Variants in HCN1 observed in about 807,000 individuals in gnomAD.
HCN1 encodes the protein hyperpolarization activated cyclic nucleotide gated potassium channel 1, also known as potassium/sodium hyperpolarization-activated cyclic nucleotide-gated channel 1.
Under a neutral mutation model 78.9 loss-of-function variants are expected in HCN1, and 13 were observed. That is an observed-to-expected ratio of 0.16 (90% CI 0.11 to 0.26). The LOEUF is 0.26. Among genes scored for constraint, HCN1 ranks in the 10% least tolerant of loss-of-function variants. HCN1 has a pLI of 1.00. For missense variants in HCN1, 810 were observed against 1,154.3 expected (o/e 0.70, Z 4.32); for synonymous variants, 552 against 455.5 (o/e 1.21, Z -2.70).
At chr5:45,297,128 T>G (rs1374290465) in intron 6 of HCN1, among the ~76,000 whole-genome samples, 1 of 152,060 alleles carries the variant, frequency 6.6e-6, no homozygotes, top group Non-Finnish European at 1.5e-5. Context: ...TCATTAGCAT[T>G]GTTTCTATAG....
chr5:45,422,222 A>G (rs1740244772), intron 3 of HCN1, among the ~76,000 whole-genome samples: 1 of 152,180 alleles, frequency 6.6e-6, no homozygotes, highest in African/African-American at 2.4e-5. Context: ...ATACTTCTAC[A>G]TGACTGTCTA....
intron 4 of HCN1, among the ~76,000 whole-genome samples, chr5:45,375,712 T>G (rs1747618098): frequency 8.7e-6 from 1 of 114,992 alleles, no homozygotes; most frequent in Admixed American, 1.1e-4. Context: ...TGATACATAT[T>G]ATATATAATA....
rs183659441 is a variant in HCN1, at chr5:45,341,311, C to G, written c.1377+11789G>C. On this transcript the variant is annotated intron_variant, in intron 5 of 7. Coordinates refer to ENST00000303230, the MANE Select transcript of HCN1 (RefSeq NM_021072.4). ...CAATGATTAATAGCGGAAACAATAA[C>G]CAACATCGTAGACATCACAATTGCT... 3.9e-3 allele frequency among the ~76,000 whole-genome samples: 597 copies of G among 152,306 alleles called. 2 individuals carry two copies. The highest frequency in any genetic ancestry group is 6.8e-3 in the Non-Finnish European group (464 of 68,032).
intron 4 of HCN1, among the ~76,000 whole-genome samples, chr5:45,356,965 A>G (rs577842802): frequency 1.3e-5 from 2 of 152,174 alleles, no homozygotes; most frequent in East Asian, 3.9e-4. Context: ...TTGTTCATCC[A>G]ATGGATTTGT....
rs149850781 is a variant in HCN1, at chr5:45,551,632, C to T, written c.850-89625G>A. On this transcript the variant is annotated intron_variant, in intron 2 of 7. Coordinates refer to ENST00000303230, the MANE Select transcript of HCN1 (RefSeq NM_021072.4). ...TCAGATTATAATCAATATCATAATA[C>T]GAAATTTCATTGCTAAAGGAAACTT... is the stretch of plus-strand genomic sequence containing the variant. 5.4e-3 allele frequency among the ~76,000 whole-genome samples: 819 copies of T among 151,924 alleles called. 9 individuals are homozygous for T. Among genetic ancestry groups the T allele is most frequent in the African/African-American group, 0.017 (708 of 41,512 alleles).
intron 4 of HCN1, among the ~76,000 whole-genome samples, chr5:45,354,805 G>A (rs1311707000): frequency 2.6e-5 from 4 of 151,990 alleles, no homozygotes; most frequent in African/African-American, 4.8e-5. Flanking sequence ...TTGGAGGGGT[G>A]AGAATCTGAA....
At chr5:45,418,799 G>A (rs1008733363) in intron 3 of HCN1, among the ~76,000 whole-genome samples, 2 of 152,048 alleles carry the variant, frequency 1.3e-5, no homozygotes, top group Non-Finnish European at 2.9e-5. Context: ...CTATAAGCCA[G>A]TTTTCCTTTA....
chr5:45,493,805 G>T (rs1425402877), intron 2 of HCN1, among the ~76,000 whole-genome samples: 2 of 128,980 alleles, frequency 1.6e-5, no homozygotes, highest in East Asian at 4.5e-4. Context: ...CTGTGTCCAT[G>T]AGTTCTCATT....
chr5:45,607,444 C>G (rs933999921), intron 2 of HCN1, among the ~76,000 whole-genome samples: 2 of 151,398 alleles, frequency 1.3e-5, no homozygotes, highest in Admixed American at 6.6e-5. Context: ...GACATCAAGA[C>G]CAAGTTGGAT....
At chr5:45,324,826 T>A (rs980813383) in intron 5 of HCN1, among the ~76,000 whole-genome samples, 5 of 151,652 alleles carry the variant, frequency 3.3e-5, no homozygotes, top group Non-Finnish European at 7.4e-5. Flanking sequence ...ACACGAAATT[T>A]GTGAAAAAAA....
At chr5:45,412,387 C>T (rs1352894868) in intron 3 of HCN1, among the ~76,000 whole-genome samples, 3 of 152,134 alleles carry the variant, frequency 2.0e-5, no homozygotes, top group African/African-American at 7.2e-5. Flanking sequence ...TACAAGCAAA[C>T]GTGGTAGCAC....
intron 2 of HCN1, among the ~76,000 whole-genome samples, chr5:45,568,044 A>G (rs1192933224): frequency 6.6e-6 from 1 of 152,128 alleles, no homozygotes; most frequent in Non-Finnish European, 1.5e-5. Flanking sequence ...TTAGCTTCAC[A>G]TATAACAGGT....
At chr5:45,342,700 T>C (rs909215584) in intron 5 of HCN1, among the ~76,000 whole-genome samples, 5 of 152,176 alleles carry the variant, frequency 3.3e-5, no homozygotes, top group African/African-American at 2.4e-5. Flanking sequence ...TGGTATCTTA[T>C]GGCTATTCAA....
chr5:45,441,019 C>A (rs1440734153), intron 3 of HCN1, among the ~76,000 whole-genome samples: 1 of 152,152 alleles, frequency 6.6e-6, no homozygotes, highest in Non-Finnish European at 1.5e-5. Context: ...CTGGATTATT[C>A]TTTTTCCAGA....
In HCN1 at chr5:45,537,438, G is replaced by A. The variant is rs1054741427; in HGVS notation, c.850-75431C>T. On this transcript the variant is annotated intron_variant, in intron 2 of 7. Coordinates refer to ENST00000303230, the MANE Select transcript of HCN1 (RefSeq NM_021072.4). ...ACAATACCTCTGTTTGAAAACATTT[G>A]CCAAACATGTTAGATATTGATTCTC... is the stretch of plus-strand genomic sequence containing the variant. Among the ~76,000 whole-genome samples, 5 of 136,892 alleles carry A rather than the reference G, an allele frequency of 3.7e-5. No homozygotes were observed. In the East Asian group the frequency reaches 1.1e-3, roughly 31 times the overall value. 89.8% of individuals were successfully genotyped at this position (136,892 alleles called of 152,430 possible).
intron 5 of HCN1, among the ~76,000 whole-genome samples, chr5:45,312,302 G>T (rs1188301251): frequency 6.6e-6 from 1 of 152,200 alleles, no homozygotes; most frequent in African/African-American, 2.4e-5. Flanking sequence ...ATACAAGAAT[G>T]AAACAGCAAT....
At chr5:45,298,330 C>A (rs1430925249) in intron 6 of HCN1, among the ~76,000 whole-genome samples, 2 of 152,008 alleles carry the variant, frequency 1.3e-5, no homozygotes, top group South Asian at 2.1e-4. Flanking sequence ...ATACCCTGCA[C>A]CACCTCAGGG....
chr5:45,372,258 T>C (rs1350673435), intron 4 of HCN1, among the ~76,000 whole-genome samples: 1 of 50,270 alleles, frequency 2.0e-5, no homozygotes, highest in African/African-American at 1.1e-4. Context: ...ATAATATATA[T>C]TTATATATAT....
chr5:45,509,183 T>A (rs1388939573), intron 2 of HCN1, among the ~76,000 whole-genome samples: 3 of 152,142 alleles, frequency 2.0e-5, no homozygotes, highest in Admixed American at 6.6e-5. Flanking sequence ...TCGATCTTGT[T>A]CATTTGTAAC....
Sources: gnomAD v4.1 joint callset for allele counts (sites outside exome capture counted in the v4.1 genomes callset) on GRCh38, gnomAD v4.1.1 for gene constraint, MANE v1.5 for transcripts, NCBI Gene and HGNC (gene_info 2026-07-23, HGNC 2026-07-21) for gene names.